The following PPARGC1A variants were observed in gnomAD, a reference collection of about 807,000 sequenced individuals.
The protein encoded by PPARGC1A is peroxisome proliferator-activated receptor gamma coactivator 1-alpha.
A neutral mutation model predicts 88.7 loss-of-function variants in PPARGC1A; 25 were observed. The ratio of observed to expected loss-of-function variants is 0.28; its 90% CI spans 0.21 to 0.39. The LOEUF (loss-of-function observed/expected upper bound fraction) is 0.39, where lower values mean the gene tolerates loss of function less well. Ranked by LOEUF, PPARGC1A falls within the 10% of genes least tolerant of loss-of-function variation. The probability of loss-of-function intolerance (pLI) is 1.00; values close to 1 mark genes in which losing one functional copy is unlikely to be tolerated. For missense variants in PPARGC1A, 880 were observed against 968.7 expected, an observed-to-expected ratio of 0.91 and a Z score of 1.22; for synonymous variants, 363 against 355.6, an observed-to-expected ratio of 1.02 and a Z score of -0.24.
At chr4:24,311,409 G>A in the PPARGC1A span, among the ~76,000 whole-genome samples, 1 of 150,070 alleles carries the variant, frequency 6.7e-6, no homozygotes, top group Non-Finnish European at 1.5e-5. Flanking sequence ...TCTTGGCCGG[G>A]TGGATCACGA....
chr4:24,138,967 TA>T, the PPARGC1A span, among the ~76,000 whole-genome samples: 2 of 152,148 alleles, frequency 1.3e-5, no homozygotes, highest in Non-Finnish European at 2.9e-5. Flanking sequence ...TTGGGCGAGA[TA>T]GTGTGATCCA....
At chr4:24,306,731 G>A in the PPARGC1A span, among the ~76,000 whole-genome samples, 14 of 152,334 alleles carry the variant, frequency 9.2e-5, no homozygotes, top group African/African-American at 2.9e-4. Flanking sequence ...ACAGAAACAG[G>A]TGGCAGGCCA....
At chr4:23,853,181 C>G (rs763386520) in intron 2 of PPARGC1A, among the ~76,000 whole-genome samples, 19 of 151,906 alleles carry the variant, frequency 1.3e-4, no homozygotes, top group Non-Finnish European at 2.8e-4. Flanking sequence ...TTTAAATACA[C>G]AAAATTTCAT....
At chr4:23,857,915 T>C (rs1369662225) in intron 2 of PPARGC1A, among the ~76,000 whole-genome samples, 1 of 151,504 alleles carries the variant, frequency 6.6e-6, no homozygotes, top group Non-Finnish European at 1.5e-5. Flanking sequence ...CCTTCTGCCT[T>C]TCTGCTTGAG....
At chr4:24,171,854 A>T in the PPARGC1A span, among the ~76,000 whole-genome samples, 1 of 152,364 alleles carries the variant, frequency 6.6e-6, no homozygotes, top group South Asian at 2.1e-4. Context: ...ATTGAAAGTG[A>T]CAATCATGTC....
At chr4:24,007,160 T>C in the PPARGC1A span, among the ~76,000 whole-genome samples, 1 of 152,156 alleles carries the variant, frequency 6.6e-6, no homozygotes, top group Admixed American at 6.5e-5. Flanking sequence ...AAAGTAGAAA[T>C]TGAGAGCCAT....
At chr4:23,835,773 CTT>C (rs1297640646) in intron 2 of PPARGC1A, among the ~76,000 whole-genome samples, 1 of 152,084 alleles carries the variant, frequency 6.6e-6, no homozygotes, top group Non-Finnish European at 1.5e-5. Context: ...GCTGATGACA[CTT>C]TGTGTTTATA....
the PPARGC1A span, among the ~76,000 whole-genome samples, chr4:24,055,039 C>G: frequency 6.6e-6 from 1 of 152,224 alleles, no homozygotes; most frequent in Non-Finnish European, 1.5e-5. Flanking sequence ...AGTTGAAACA[C>G]AAGAAGGAGG....
chr4:23,975,417 ATTCT>A, the PPARGC1A span, among the ~76,000 whole-genome samples: 1 of 44,312 alleles, frequency 2.3e-5, no homozygotes, highest in African/African-American at 6.2e-5. Context: ...TATGCTATTC[ATTCT>A]TTTTTTTTTT....
chr4:24,300,324 A>ATTTTTTTT, the PPARGC1A span, among the ~76,000 whole-genome samples: 45 of 45,024 alleles, frequency 1.0e-3, 7 homozygotes, highest in Non-Finnish European at 1.4e-3. Flanking sequence ...ATACAATAGC[A>ATTTTTTTT]TTTTTTTTTT....
the PPARGC1A span, among the ~76,000 whole-genome samples, chr4:24,464,023 A>C: frequency 6.6e-6 from 1 of 152,230 alleles, no homozygotes; most frequent in Non-Finnish European, 1.5e-5. Flanking sequence ...AAAGGGTTAT[A>C]TATGCAAATA....
chr4:24,421,503 G>A, the PPARGC1A span, among the ~76,000 whole-genome samples: 1 of 152,024 alleles, frequency 6.6e-6, no homozygotes, highest in Non-Finnish European at 1.5e-5. Flanking sequence ...AGTAGAGACG[G>A]GGTTTCACCG....
At chr4:24,310,933 A>G in the PPARGC1A span, among the ~76,000 whole-genome samples, 10 of 152,230 alleles carry the variant, frequency 6.6e-5, no homozygotes, top group South Asian at 1.7e-3. Flanking sequence ...GCTTGACTCA[A>G]TGAGGTAAAA....
At chr4:24,103,726 C>T in the PPARGC1A span, among the ~76,000 whole-genome samples, 1 of 152,050 alleles carries the variant, frequency 6.6e-6, no homozygotes, top group Non-Finnish European at 1.5e-5. Context: ...GAAGCCTACT[C>T]TAGTAACACA....
the PPARGC1A span, among the ~76,000 whole-genome samples, chr4:24,159,710 C>T: frequency 6.6e-6 from 1 of 152,172 alleles, no homozygotes; most frequent in Non-Finnish European, 1.5e-5. Flanking sequence ...CATGTCAGTT[C>T]CCTTCCTCTC....
the PPARGC1A span, among the ~76,000 whole-genome samples, chr4:24,338,460 T>C: frequency 6.6e-6 from 1 of 152,196 alleles, no homozygotes; most frequent in Non-Finnish European, 1.5e-5. Context: ...CCTAAGGATC[T>C]ATTCTCACAT....
At chr4:24,075,917 G>A in the PPARGC1A span, among the ~76,000 whole-genome samples, 30 of 152,100 alleles carry the variant, frequency 2.0e-4, no homozygotes, top group Non-Finnish European at 4.3e-4. Flanking sequence ...TCTGACCCAT[G>A]CCAGAGCTTG....
the PPARGC1A span, among the ~76,000 whole-genome samples, chr4:24,191,376 G>A: frequency 0.11 from 16,436 of 152,196 alleles, 1,745 homozygotes; most frequent in African/African-American, 0.27. Context: ...TCATGGAGGC[G>A]ATTCGCAAAA....
chr4:24,051,015 G>C, the PPARGC1A span, among the ~76,000 whole-genome samples: 553 of 151,640 alleles, frequency 3.6e-3, 6 homozygotes, highest in African/African-American at 0.013. Flanking sequence ...GTGAAACCCC[G>C]TCTCTACTAA....
Sources: gnomAD v4.1 joint callset for allele counts (sites outside exome capture counted in the v4.1 genomes callset) on GRCh38, gnomAD v4.1.1 for gene constraint, MANE v1.5 for transcripts, NCBI Gene and HGNC (gene_info 2026-07-23, HGNC 2026-07-21) for gene names.